SLC15A4: variants seen among roughly 807,000 people sequenced by gnomAD.
The protein encoded by SLC15A4 is solute carrier family 15 member 4.
SLC15A4 carries 26 observed loss-of-function variants against 46.1 expected under a neutral mutation model. That is an observed-to-expected ratio of 0.56 (90% CI 0.41 to 0.78). SLC15A4 has a LOEUF of 0.78. Ranked by LOEUF, SLC15A4 falls within the 30% of genes least tolerant of loss-of-function variation. SLC15A4 has a pLI of 0.00. For synonymous variants in SLC15A4, 370 were observed against 333.4 expected (o/e 1.11, Z -1.20); for missense variants, 751 against 755.7 (o/e 0.99, Z 0.07).
chr12:128,816,013 A>G (rs1443512519), intron 1 of SLC15A4: 2 of 152,252 alleles, frequency 1.3e-5, no homozygotes, highest in African/African-American at 2.4e-5. Flanking sequence ...ATTATAGACT[A>G]AAGATAAAAC....
chr12:128,801,614 T>C (rs970131074), intron 5 of SLC15A4: 2 of 152,224 alleles, frequency 1.3e-5, no homozygotes, highest in Admixed American at 1.3e-4. Context: ...AAGTTACTGG[T>C]CACCTATCAA....
chr12:128,794,002 G>T lies in SLC15A4; in HGVS notation c.*194C>A. The stretch of plus-strand genomic sequence containing the variant: ...GCTCTCCTCCCGGAGGGCCCAGCGT[G>T]CCAGGAGACACGCTGCAGTAAGGCA... On this transcript the variant is annotated 3_prime_UTR_variant, in exon 8 of 8. Transcript: ENST00000266771. 2.2e-6 allele frequency: 1 copy of T among 461,362 alleles called. No homozygotes were observed. The allele number at this position is 461,362 out of a possible 1,614,324, so 28.6% of individuals were successfully genotyped here.
chr12:128,810,198 C>T, intron 2 of SLC15A4, 87 bp from the exon 3 acceptor site: 1 of 1,342,920 alleles, frequency 7.4e-7, no homozygotes, highest in Non-Finnish European at 1.0e-6. Context: ...AGGTAAGAAA[C>T]CAGCTCACTG....
At position 128,809,984 on chromosome 12, in the gene SLC15A4, CA is replaced by C. The variant is rs1955636812; in HGVS notation, c.969del (p.Val324PhefsTer5). 1 of 1,614,016 alleles carries C rather than the reference CA, an allele frequency of 6.2e-7. No individual in the cohort carries two copies. The highest frequency in any genetic ancestry group is 1.3e-5 in the African/African-American group (1 of 74,938). The part of the protein sequence containing the change: ...EDVKALVKIV[P>X]VFLALIPYWT... ...CAGTAAGGTATCAAAGCCAAGAAAACAGGGACAATCTTGACCAGAGCTTTCA... is the reference window on the plus strand; with the variant it reads ...CAGTAAGGTATCAAAGCCAAGAAAACGGGACAATCTTGACCAGAGCTTTCA... On this transcript the variant is annotated frameshift_variant, in exon 3 of 8. Transcript: ENST00000266771. LOFTEE classifies it high-confidence loss of function.
intron 3 of SLC15A4, 106 bp downstream of exon 3, chr12:128,809,837 A>G (rs1955634248): frequency 7.7e-6 from 9 of 1,164,406 alleles, no homozygotes; most frequent in Non-Finnish European, 1.1e-5. Context: ...GACTCATGGG[A>G]AAAAAAATCA....
chr12:128,795,002 A>G (rs762862761), intron 7 of SLC15A4, among the ~76,000 whole-genome samples: 49 of 152,176 alleles, frequency 3.2e-4, no homozygotes, highest in Non-Finnish European at 6.3e-4. Context: ...ATTGGCCTGG[A>G]ACTGCATTGT....
intron 2 of SLC15A4, among the ~76,000 whole-genome samples, chr12:128,811,296 C>T (rs1379467643): frequency 6.6e-6 from 1 of 152,226 alleles, no homozygotes; most frequent in Non-Finnish European, 1.5e-5. Flanking sequence ...AGTTTATTAA[C>T]TCATGTCCCA....
intron 4 of SLC15A4, chr12:128,809,181 C>G: frequency 3.4e-6 from 2 of 594,318 alleles, no homozygotes; most frequent in South Asian, 4.6e-5. Context: ...GTGAAAAATA[C>G]TAAGTAATGT....
chr12:128,817,644 G>C (rs529201825), intron 1 of SLC15A4, among the ~76,000 whole-genome samples: 1 of 152,286 alleles, frequency 6.6e-6, no homozygotes, highest in African/African-American at 2.4e-5. Flanking sequence ...ATCAGCATTT[G>C]ATTACTCTGG....
chr12:128,804,773 G>T (rs767117674), intron 5 of SLC15A4, among the ~76,000 whole-genome samples: 1 of 152,146 alleles, frequency 6.6e-6, no homozygotes, highest in Non-Finnish European at 1.5e-5. Flanking sequence ...AGAGGTAATG[G>T]ACTCCAGATG....
At chr12:128,805,457 A>G (rs931727956) in intron 5 of SLC15A4, among the ~76,000 whole-genome samples, 3 of 152,226 alleles carry the variant, frequency 2.0e-5, no homozygotes, top group Non-Finnish European at 2.9e-5. Context: ...AGTAGTTACC[A>G]ATAAACCTAA....
intron 6 of SLC15A4, 29 bp downstream of exon 6, chr12:128,800,825 C>T (rs1955509515): frequency 6.3e-7 from 1 of 1,590,480 alleles, no homozygotes; most frequent in Admixed American, 1.8e-5. Flanking sequence ...TGCCTGGACT[C>T]AGACACCTCC....
intron 7 of SLC15A4, among the ~76,000 whole-genome samples, chr12:128,796,815 A>G (rs2135703018): frequency 6.6e-6 from 1 of 152,288 alleles, no homozygotes; most frequent in South Asian, 2.1e-4. Flanking sequence ...AGTCTCCCCA[A>G]ATGTACCAGT....
intron 1 of SLC15A4, among the ~76,000 whole-genome samples, chr12:128,816,593 A>G (rs2135721202): frequency 6.6e-6 from 1 of 152,330 alleles, no homozygotes; most frequent in Admixed American, 6.5e-5. Flanking sequence ...CACTTTGGGA[A>G]GCCAGGGCAG....
At chr12:128,815,154 T>A in intron 1 of SLC15A4, 84 bp from the exon 2 acceptor site, 1 of 1,314,306 alleles carries the variant, frequency 7.6e-7, no homozygotes, top group South Asian at 1.4e-5. Context: ...TGGTTAAAAT[T>A]ACCGTTGTCA....
At chr12:128,800,668 C>T (rs1193293723) in intron 6 of SLC15A4, 186 bp downstream of exon 6, 2 of 534,628 alleles carry the variant, frequency 3.7e-6, no homozygotes, top group East Asian at 3.2e-5. Context: ...TGTTTTTACA[C>T]AAAGAATGGA....
At chr12:128,817,033 T>C (rs1441304203) in intron 1 of SLC15A4, among the ~76,000 whole-genome samples, 1 of 152,204 alleles carries the variant, frequency 6.6e-6, no homozygotes, top group Non-Finnish European at 1.5e-5. Flanking sequence ...GAAGTCCAAA[T>C]GATTAAGCAT....
intron 5 of SLC15A4, among the ~76,000 whole-genome samples, chr12:128,802,232 A>G (rs1350487410): frequency 6.6e-6 from 1 of 152,194 alleles, no homozygotes; most frequent in East Asian, 1.9e-4. Context: ...CATCTTAATC[A>G]GGCAAGGCTG....
Position 128,815,182 on chromosome 12 carries a change from C to T in SLC15A4, c.547-112G>A, listed in dbSNP as rs200906089. ...CGTTGTCATCACAACCTTTAAGAAG[C>T]GCAACACAATCAAAATTGTGTTTAC... On this transcript the variant is annotated intron_variant, in intron 1 of 7. Transcript: ENST00000266771. 1.7e-4 allele frequency: 175 copies of T among 1,009,610 alleles called. No individual in the cohort carries two copies. In the East Asian group the frequency reaches 2.7e-3, roughly 15 times the overall value. 62.5% of individuals were successfully genotyped at this position (1,009,610 alleles called of 1,614,324 possible).
Sources: allele counts gnomAD v4.1 joint callset (sites outside exome capture counted in the v4.1 genomes callset), GRCh38; gene constraint gnomAD v4.1.1; transcripts MANE v1.5; gene names NCBI Gene and HGNC (gene_info 2026-07-23, HGNC 2026-07-21).